Variants in CSMD3 observed in about 807,000 individuals in gnomAD.
CSMD3 encodes CUB and Sushi multiple domains 3.
Under a neutral mutation model 435.2 loss-of-function variants are expected in CSMD3, and 177 were observed. The observed-to-expected ratio is 0.41, with a 90% CI of 0.36 to 0.46. The LOEUF is 0.46. CSMD3 is among the 20% of genes least tolerant of loss of function. The probability of loss-of-function intolerance (pLI) is 0.34; values close to 1 mark genes in which losing one functional copy is unlikely to be tolerated. For missense variants in CSMD3, 4,265 were observed against 4,504.6 expected, an observed-to-expected ratio of 0.95 and a Z score of 1.52; for synonymous variants, 1,656 against 1,520.5, an observed-to-expected ratio of 1.09 and a Z score of -2.07.
At chr8:112,494,547 C>CT (rs547910177) in intron 30 of CSMD3, among the ~76,000 whole-genome samples, 1 of 118,822 alleles carries the variant, frequency 8.4e-6, no homozygotes, top group Admixed American at 8.5e-5. Context: ...TTCTTTCTTT[C>CT]TTTCTTTCTT....
chr8:112,577,088 A>G lies in CSMD3; in HGVS notation c.3886-3431T>C, dbSNP rs1464138979. On this transcript the variant is annotated intron_variant, in intron 23 of 70. Coordinates refer to ENST00000297405, the MANE Select transcript of CSMD3 (RefSeq NM_198123.2). ...CATCAAAATAAAATGAAACTGGATC[A>G]TTCAACTGTTAAATTTTGGAAGCAT... Among the ~76,000 whole-genome samples, 10 of 152,226 alleles carry G rather than the reference A, an allele frequency of 6.6e-5. No individual in the cohort carries two copies. The East Asian group carries it at 1.9e-3, about 29-fold the overall frequency.
At chr8:112,244,056 C>A (rs1367825103) in intron 65 of CSMD3, among the ~76,000 whole-genome samples, 4 of 152,080 alleles carry the variant, frequency 2.6e-5, no homozygotes, top group African/African-American at 7.2e-5. Flanking sequence ...GACTTCTGGA[C>A]TTCAGAATTG....
At chr8:113,009,203 G>T (rs1009052261) in intron 6 of CSMD3, among the ~76,000 whole-genome samples, 2 of 151,618 alleles carry the variant, frequency 1.3e-5, no homozygotes, top group Non-Finnish European at 3.0e-5. Context: ...AGCTCTCCAC[G>T]GGAATGATAA....
chr8:112,449,001 T>C (rs1815960927), intron 32 of CSMD3, among the ~76,000 whole-genome samples: 1 of 152,162 alleles, frequency 6.6e-6, no homozygotes, highest in Non-Finnish European at 1.5e-5. Context: ...TTTGCTACTC[T>C]AGTTCTGATT....
At chr8:112,246,916 C>T in intron 64 of CSMD3, 104 bp downstream of exon 64, 1 of 818,778 alleles carries the variant, frequency 1.2e-6, no homozygotes, top group Non-Finnish European at 2.1e-6. Flanking sequence ...ATCTAAAAGT[C>T]AATTTGATAC....
chr8:112,474,070 G>T (rs1818800953), intron 31 of CSMD3, among the ~76,000 whole-genome samples: 1 of 152,092 alleles, frequency 6.6e-6, no homozygotes. Flanking sequence ...ACCAAAAGGA[G>T]GTTTTTTGGT....
chr8:112,804,409 G>A, intron 12 of CSMD3, among the ~76,000 whole-genome samples: 1 of 152,078 alleles, frequency 6.6e-6, no homozygotes, highest in Non-Finnish European at 1.5e-5. Flanking sequence ...CCAGCCTGTA[G>A]AGTGAGCAAA....
chr8:113,129,442 G>C (rs567276870), intron 4 of CSMD3, among the ~76,000 whole-genome samples: 1 of 152,012 alleles, frequency 6.6e-6, no homozygotes, highest in African/African-American at 2.4e-5. Context: ...GCTTTCCTAC[G>C]GAACAGTATT....
At chr8:112,965,349 ATAT>A (rs2084378321) in intron 7 of CSMD3, among the ~76,000 whole-genome samples, 2 of 152,064 alleles carry the variant, frequency 1.3e-5, no homozygotes, top group Middle Eastern at 3.4e-3. Context: ...AATTCAGTAC[ATAT>A]TATTATCTTT....
chr8:113,381,836 T>A (rs556233912), intron 1 of CSMD3, among the ~76,000 whole-genome samples: 6 of 152,154 alleles, frequency 3.9e-5, no homozygotes, highest in Non-Finnish European at 8.8e-5. Context: ...AGATAACCTA[T>A]GCTACTATTT....
intron 38 of CSMD3, among the ~76,000 whole-genome samples, chr8:112,356,308 T>C (rs1826591771): frequency 6.6e-6 from 1 of 152,044 alleles, no homozygotes. Context: ...TATGCAGCCA[T>C]TAAATAATAT....
chr8:112,663,943 T>C (rs148852881), intron 17 of CSMD3, among the ~76,000 whole-genome samples: 60 of 152,206 alleles, frequency 3.9e-4, no homozygotes, highest in Middle Eastern at 3.4e-3. Context: ...CCCCAGGCAT[T>C]CTTTGAAAAT....
chr8:113,370,733 C>G (rs1053985911), intron 1 of CSMD3, among the ~76,000 whole-genome samples: 1 of 151,906 alleles, frequency 6.6e-6, no homozygotes. Context: ...TCTCTTCCAT[C>G]CCTATTGATA....
intron 32 of CSMD3, among the ~76,000 whole-genome samples, chr8:112,467,413 G>A (rs375967851): frequency 1.4e-4 from 22 of 152,124 alleles, no homozygotes; most frequent in East Asian, 1.3e-3. Flanking sequence ...GATATCCTCA[G>A]GATGTTTTAC....
chr8:112,409,192 T>C (rs1171078508), intron 32 of CSMD3, among the ~76,000 whole-genome samples, 160 bp from the exon 33 acceptor site: 1 of 152,100 alleles, frequency 6.6e-6, no homozygotes, highest in African/African-American at 2.4e-5. Context: ...AATTGGTTGA[T>C]ATTACTGACA....
chr8:112,638,787 G>T lies in CSMD3; in HGVS notation c.3435C>A (p.Ile1145=). The T allele has an allele frequency of 6.2e-7, 1 of 1,612,228 alleles. No individual in the cohort carries two copies. The highest frequency in any genetic ancestry group is 8.5e-7 in the Non-Finnish European group (1 of 1,178,582). Reference sequence around the variant, plus strand: ...TGAAATTTCCATAGAGACCAGCATTGATTGTTGGAGGAAGATCTGAACCAG... The same window carrying T: ...TGAAATTTCCATAGAGACCAGCATTTATTGTTGGAGGAAGATCTGAACCAG... The part of the protein sequence containing the change: ...RLTGSDLPPT[I]NAGLYGNFRA... Residue 1145 remains isoleucine (I), a synonymous_variant, in exon 21 of 71, where the codon ATC becomes ATA. Transcript: ENST00000297405.
intron 5 of CSMD3, among the ~76,000 whole-genome samples, chr8:113,019,626 T>C (rs957999210): frequency 1.3e-5 from 2 of 150,976 alleles, no homozygotes; most frequent in African/African-American, 4.8e-5. Flanking sequence ...ATGGTGCTAG[T>C]CAACGTGCTT....
intron 45 of CSMD3, among the ~76,000 whole-genome samples, chr8:112,332,917 A>G (rs1824202900): frequency 6.6e-6 from 1 of 152,172 alleles, no homozygotes; most frequent in African/African-American, 2.4e-5. Flanking sequence ...AACAATTACA[A>G]TATTTCTACA....
intron 1 of CSMD3, among the ~76,000 whole-genome samples, chr8:113,326,319 C>T (rs2093983565): frequency 6.6e-6 from 1 of 151,224 alleles, no homozygotes; most frequent in Non-Finnish European, 1.5e-5. Flanking sequence ...TTAAAGTGAC[C>T]ATGTTGTTAT....
Sources: allele counts gnomAD v4.1 joint callset (sites outside exome capture counted in the v4.1 genomes callset), GRCh38; gene constraint gnomAD v4.1.1; transcripts MANE v1.5; gene names NCBI Gene and HGNC (gene_info 2026-07-23, HGNC 2026-07-21).